Variants in TRPC5OS observed in about 807,000 individuals in gnomAD.
TRPC5OS encodes the protein TRPC5 opposite strand.
For missense variants in TRPC5OS, 64 were observed against 79.3 expected, an observed-to-expected ratio of 0.81 and a Z score of 0.73; for synonymous variants, 30 against 29.3, an observed-to-expected ratio of 1.02 and a Z score of -0.08.
At chrX:111,880,925 G>A (rs144563774) in intron 1 of TRPC5OS, among the ~76,000 whole-genome samples, 2 of 111,377 alleles carry the variant, frequency 1.8e-5, no homozygotes, top group African/African-American at 6.5e-5. Context: ...TCCTCACAAT[G>A]GAACTGATAA....
chrX:111,889,776 G>A (rs1472175730), intron 1 of TRPC5OS, among the ~76,000 whole-genome samples: 1 of 111,754 alleles, frequency 8.9e-6, no homozygotes, highest in Non-Finnish European at 1.9e-5. Flanking sequence ...ATCTATCTCA[G>A]AGGTAAAAAT....
intron 1 of TRPC5OS, among the ~76,000 whole-genome samples, chrX:111,877,123 C>A (rs1923986641): frequency 9.0e-6 from 1 of 111,363 alleles, no homozygotes; most frequent in Non-Finnish European, 1.9e-5. Context: ...TGGCTGGAGG[C>A]AGGTGGACTG....
chrX:111,878,588 T>C (rs1444724050), intron 1 of TRPC5OS, among the ~76,000 whole-genome samples: 1 of 111,419 alleles, frequency 9.0e-6, no homozygotes, highest in African/African-American at 3.3e-5. Flanking sequence ...TACTGTAGGG[T>C]GTTTAGTATT....
At chrX:111,886,054 T>A (rs779931129) in intron 1 of TRPC5OS, among the ~76,000 whole-genome samples, 1 of 111,641 alleles carries the variant, frequency 9.0e-6, no homozygotes, top group East Asian at 2.8e-4. Context: ...CCAAGACGGG[T>A]GGATCACCTC....
rs201802293 is a variant in TRPC5OS at position 111,881,145 on chromosome X, T to TATTTTATTTTA, written c.-546+4872_-546+4873insATTTTATTTTA. Among the ~76,000 whole-genome samples, 191 of 95,033 alleles carry TATTTTATTTTA rather than the reference T, an allele frequency of 2.0e-3. 3 individuals are homozygous for TATTTTATTTTA. The highest frequency in any genetic ancestry group is 9.7e-3 in the African/African-American group (174 of 17,901). The allele number at this position is 95,033 out of a possible 115,157, so 82.5% of individuals were successfully genotyped here. A position where few individuals can be genotyped will look rare whatever the true frequency, so the allele number is the denominator to read the frequency against. ...TTGCTGTTGTTTTGTGATTTTCTTT[T>TATTTTATTTTA]GTTTATTTTATTTTATTTTATTTTA... On this transcript the variant is annotated intron_variant, in intron 1 of 3. Transcript: ENST00000635763.
intron 1 of TRPC5OS, among the ~76,000 whole-genome samples, chrX:111,883,472 A>C (rs1924327664): frequency 8.9e-6 from 1 of 112,443 alleles, no homozygotes. Context: ...GACTGAGTCA[A>C]AGCCTTAGCC....
intron 1 of TRPC5OS, among the ~76,000 whole-genome samples, chrX:111,879,239 G>T (rs1924091928): frequency 8.9e-6 from 1 of 112,212 alleles, no homozygotes; most frequent in Non-Finnish European, 1.9e-5. Context: ...TAAAAAAAAG[G>T]TAGAGAAGGT....
chrX:111,886,435 G>A (rs761338588), intron 1 of TRPC5OS, among the ~76,000 whole-genome samples: 21 of 112,285 alleles, frequency 1.9e-4, no homozygotes, highest in Non-Finnish European at 3.6e-4. Flanking sequence ...GTGTTTGGTA[G>A]ATTATGCTTG....
rs946837705 is a variant in TRPC5OS at position 111,895,340 on chromosome X, G to A, written c.-545-611G>A. 4.5e-5 allele frequency among the ~76,000 whole-genome samples: 5 copies of A among 111,460 alleles called. No individual in the cohort carries two copies. In the Admixed American group the frequency reaches 4.8e-4, roughly 11 times the overall value. The stretch of plus-strand genomic sequence containing the variant: ...ATTCGGATATTCTCCTCTATGAAGT[G>A]CCAGTTCAATTCTTTTATATTTTTT... On this transcript the variant is annotated intron_variant, in intron 1 of 3. Coordinates refer to ENST00000635763, the MANE Select transcript of TRPC5OS (RefSeq NM_001195578.2).
rs947257284 is a variant in TRPC5OS, at chrX:111,902,658, A to G, written c.*473A>G. The G allele has an allele frequency of 2.7e-5, 3 of 113,023 alleles. No individual in the cohort carries two copies. The highest frequency in any genetic ancestry group is 3.7e-5 in the Non-Finnish European group (2 of 53,675). The allele number at this position is 113,023 out of a possible 1,213,427, so 9.3% of individuals were successfully genotyped here. A position where few individuals can be genotyped will look rare whatever the true frequency, so the allele number is the denominator to read the frequency against. On this transcript the variant is annotated 3_prime_UTR_variant, in exon 4 of 4. Coordinates refer to ENST00000635763, the MANE Select transcript of TRPC5OS (RefSeq NM_001195578.2). The stretch of plus-strand genomic sequence containing the variant: ...TTGGGATACTTTTATTTGAAAGGAT[A>G]TAACTCCTTACTTATCCTTTAAGAA...
intron 1 of TRPC5OS, among the ~76,000 whole-genome samples, chrX:111,893,995 A>T (rs761991402): frequency 7.2e-5 from 8 of 111,727 alleles, no homozygotes; most frequent in Non-Finnish European, 1.5e-4. Flanking sequence ...ACGAGAAGTT[A>T]TATGTCTGTA....
At chrX:111,882,475 C>T (rs1924271814) in intron 1 of TRPC5OS, among the ~76,000 whole-genome samples, 1 of 112,425 alleles carries the variant, frequency 8.9e-6, no homozygotes. Context: ...TTGAGGTGAT[C>T]CTTACGAAAG....
At chrX:111,885,031 G>A (rs1924409887) in intron 1 of TRPC5OS, among the ~76,000 whole-genome samples, 1 of 112,943 alleles carries the variant, frequency 8.9e-6, no homozygotes, top group African/African-American at 3.2e-5. Context: ...AGCTTAGTCA[G>A]AGTCTAGTTA....
chrX:111,893,078 G>GTTT (rs1427368445), intron 1 of TRPC5OS, among the ~76,000 whole-genome samples: 1 of 98,585 alleles, frequency 1.0e-5, no homozygotes. Flanking sequence ...TCAAATATAG[G>GTTT]GTTTTTTTTT....
intron 1 of TRPC5OS, among the ~76,000 whole-genome samples, chrX:111,887,455 TC>T (rs1267934471): frequency 1.8e-5 from 2 of 112,147 alleles, no homozygotes; most frequent in East Asian, 5.6e-4. Flanking sequence ...CATGTCCCCT[TC>T]CTAACAAAGA....
chrX:111,889,095 T>C (rs1450381283), intron 1 of TRPC5OS, among the ~76,000 whole-genome samples: 1 of 112,081 alleles, frequency 8.9e-6, no homozygotes, highest in African/African-American at 3.2e-5. Context: ...GCTGGCTAAA[T>C]AAATTTGGGA....
intron 3 of TRPC5OS, among the ~76,000 whole-genome samples, chrX:111,901,032 GT>G (rs964015951): frequency 3.6e-5 from 4 of 111,662 alleles, no homozygotes; most frequent in Non-Finnish European, 7.5e-5. Flanking sequence ...AGATATGGAA[GT>G]GGGGCAGTAA....
At chrX:111,884,248 T>C (rs1339050618) in intron 1 of TRPC5OS, among the ~76,000 whole-genome samples, 1 of 112,649 alleles carries the variant, frequency 8.9e-6, no homozygotes, top group African/African-American at 3.2e-5. Flanking sequence ...ACTATTCATG[T>C]CCTAAGCCTA....
intron 1 of TRPC5OS, among the ~76,000 whole-genome samples, chrX:111,887,615 T>C (rs756172899): frequency 8.9e-6 from 1 of 112,396 alleles, no homozygotes; most frequent in Admixed American, 9.4e-5. Flanking sequence ...CTCTGGATTT[T>C]AATTTTCCTA....
Sources: gnomAD v4.1 joint callset for allele counts (sites outside exome capture counted in the v4.1 genomes callset) on GRCh38, gnomAD v4.1.1 for gene constraint, MANE v1.5 for transcripts, NCBI Gene and HGNC (gene_info 2026-07-23, HGNC 2026-07-21) for gene names.